Variants in BIRC6 observed in about 807,000 individuals in gnomAD.
BIRC6 encodes dual E2 ubiquitin-conjugating enzyme/E3 ubiquitin-protein ligase BIRC6.
A neutral mutation model predicts 503.3 loss-of-function variants in BIRC6; 98 were observed. The ratio of observed to expected loss-of-function variants is 0.19; its 90% CI spans 0.17 to 0.23. BIRC6 has a LOEUF of 0.23. Ranked by LOEUF, BIRC6 falls within the 10% of genes least tolerant of loss-of-function variation. The probability of loss-of-function intolerance (pLI) is 1.00; values close to 1 mark genes in which losing one functional copy is unlikely to be tolerated. For synonymous variants in BIRC6, 2,240 were observed against 2,078.7 expected, an observed-to-expected ratio of 1.08 and a Z score of -2.11; for missense variants, 5,360 against 5,806.0, an observed-to-expected ratio of 0.92 and a Z score of 2.50.
chr2:32,377,982 G>A (rs1315330370), intron 2 of BIRC6, among the ~76,000 whole-genome samples: 1 of 152,102 alleles, frequency 6.6e-6, no homozygotes, highest in East Asian at 1.9e-4. Flanking sequence ...AGGTGTGAAT[G>A]GTGCATCAGC....
chr2:32,443,863 T>C (rs898566501), intron 20 of BIRC6, among the ~76,000 whole-genome samples: 1 of 152,226 alleles, frequency 6.6e-6, no homozygotes, highest in Non-Finnish European at 1.5e-5. Flanking sequence ...TTGAGTTGTT[T>C]GGTTGTTTAC....
In BIRC6 at chr2:32,529,778, C is replaced by T; in HGVS notation, c.12048C>T (p.Pro4016=). ...TGGGATCAAGAGTTATAACAGACCC[C>T]AGTCTATCAAAAACAGATTCTTATA... ...VKLGSRVITD[P]SLSKTDSYKR... is the part of the protein sequence containing the mutation. Residue 4016 remains proline, a synonymous_variant, in exon 60 of 74, where the codon CCC becomes CCT. Transcript: ENST00000421745. 1 of 1,612,982 alleles carries T rather than the reference C, an allele frequency of 6.2e-7. No homozygotes were observed. The highest frequency in any genetic ancestry group is 1.1e-5 in the South Asian group (1 of 90,932).
At chr2:32,538,116 C>G (rs1473715458) in intron 61 of BIRC6, among the ~76,000 whole-genome samples, 1 of 152,118 alleles carries the variant, frequency 6.6e-6, no homozygotes, top group East Asian at 1.9e-4. Flanking sequence ...GGGTATTCCT[C>G]AGTCTTTGTG....
intron 12 of BIRC6, among the ~76,000 whole-genome samples, chr2:32,432,798 G>A (rs944401291): frequency 2.6e-5 from 4 of 151,802 alleles, no homozygotes; most frequent in African/African-American, 9.7e-5. Context: ...ACGTGAGATG[G>A]GAAAGTGTTA....
Position 32,357,550 on chromosome 2 carries a change from C to T in BIRC6, c.325+64C>T. 7 of 1,505,092 alleles carry T rather than the reference C, an allele frequency of 4.7e-6. No individual in the cohort carries two copies. The highest frequency in any genetic ancestry group is 2.5e-5 in the South Asian group (2 of 80,284). The allele number at this position is 1,505,092 out of a possible 1,614,324, so 93.2% of individuals were successfully genotyped here. On this transcript the variant is annotated intron_variant, in intron 1 of 73. Coordinates refer to ENST00000421745, the MANE Select transcript of BIRC6 (RefSeq NM_016252.4). The surrounding 1 kb of genome is among the most constrained non-coding windows in gnomAD (Gnocchi z 4.9). ...AAAGAAGCCGTCCAGCCCCGGGGCT[C>T]GGCCTCGCGACTCGGGGAAGCGAGA...
intron 65 of BIRC6, among the ~76,000 whole-genome samples, chr2:32,554,094 A>G (rs1420616710): frequency 6.6e-6 from 1 of 152,172 alleles, no homozygotes; most frequent in Non-Finnish European, 1.5e-5. Flanking sequence ...TTCACATGTT[A>G]ATGTTAACAG....
intron 35 of BIRC6, among the ~76,000 whole-genome samples, chr2:32,477,893 T>A (rs1337245822): frequency 6.6e-6 from 1 of 152,198 alleles, no homozygotes; most frequent in Non-Finnish European, 1.5e-5. Context: ...AAAATTCTTT[T>A]CAAATTTTTC....
At chr2:32,374,081 C>T (rs1199182208) in intron 1 of BIRC6, among the ~76,000 whole-genome samples, 1 of 152,060 alleles carries the variant, frequency 6.6e-6, no homozygotes, top group East Asian at 1.9e-4. Flanking sequence ...CTGTTTAAAG[C>T]GTACAGAGTT....
intron 46 of BIRC6, among the ~76,000 whole-genome samples, chr2:32,501,431 T>C (rs2053180635): frequency 6.6e-6 from 1 of 152,242 alleles, no homozygotes; most frequent in African/African-American, 2.4e-5. Context: ...CTACTGAATA[T>C]TGTCATTGAT....
intron 66 of BIRC6, 145 bp downstream of exon 66, chr2:32,575,511 TC>T: frequency 1.4e-6 from 1 of 708,772 alleles, no homozygotes; most frequent in Non-Finnish European, 2.4e-6. Flanking sequence ...ACACCTGTAA[TC>T]CCAGCACTGT....
intron 65 of BIRC6, among the ~76,000 whole-genome samples, chr2:32,568,769 T>C (rs1173018157): frequency 3.3e-5 from 5 of 151,038 alleles, no homozygotes; most frequent in Non-Finnish European, 5.9e-5. Flanking sequence ...GCTTGAACCC[T>C]GGAGACAGAG....
intron 5 of BIRC6, 102 bp from the exon 6 acceptor site, chr2:32,395,409 A>G (rs2039764298): frequency 1.1e-6 from 1 of 899,904 alleles, no homozygotes; most frequent in East Asian, 2.8e-5. Context: ...TTTTCAGTAT[A>G]GAATTTTACT....
chr2:32,545,574 C>T lies in BIRC6; in HGVS notation c.12593-69C>T, dbSNP rs1048170663. The T allele has an allele frequency of 3.1e-6, 4 of 1,282,772 alleles. No individual in the cohort carries two copies. The African/African-American group carries it at 4.4e-5, about 14-fold the overall frequency. The allele number at this position is 1,282,772 out of a possible 1,614,324, so 79.5% of individuals were successfully genotyped here. A position where few individuals can be genotyped will look rare whatever the true frequency, so the allele number is the denominator to read the frequency against. ...TTACAGTGTCATTATTAATTTATGACCCTGTATGTAACTTCTTATGTGTTT... is the reference window on the plus strand; with the variant it reads ...TTACAGTGTCATTATTAATTTATGATCCTGTATGTAACTTCTTATGTGTTT... On this transcript the variant is annotated intron_variant, in intron 62 of 73. Coordinates refer to ENST00000421745, the MANE Select transcript of BIRC6 (RefSeq NM_016252.4).
At position 32,488,861 on chromosome 2, in the gene BIRC6, A is replaced by G. The variant is rs111534472; in HGVS notation, c.8095+147A>G. 2.2e-4 allele frequency: 125 copies of G among 568,348 alleles called. No homozygotes were observed. The African/African-American group carries it at 2.4e-3, about 11-fold the overall frequency. 35.2% of individuals were successfully genotyped at this position (568,348 alleles called of 1,614,324 possible). On this transcript the variant is annotated intron_variant, in intron 42 of 73. Transcript: ENST00000421745. ...GAATACCTTTTTAAAAAGATGCACTAACTTACCGATTAGCAGGAAAGATAC... is the reference window on the plus strand; with the variant it reads ...GAATACCTTTTTAAAAAGATGCACTGACTTACCGATTAGCAGGAAAGATAC...
rs1255617729 is a variant in BIRC6 at position 32,467,670 on chromosome 2, A to C, written c.5502A>C (p.Ala1834=). The change falls in exon 27 of 74, where the codon GCA becomes GCC. Residue 1834 remains alanine, a synonymous_variant. Transcript: ENST00000421745. ...TGGATGGAAGGCGGTTGGTAGTGGC[A>C]ACTGATATAAGCACTCATTCACTAA... ...EEVDGRRLVV[A]TDISTHSLIL... 1 of 1,613,930 alleles carries C rather than the reference A, an allele frequency of 6.2e-7. No individual in the cohort carries two copies. Among genetic ancestry groups the C allele is most frequent in the Admixed American group, 1.7e-5 (1 of 60,020 alleles).
At chr2:32,532,342 G>A (rs866666446) in intron 61 of BIRC6, 41 of 440,072 alleles carry the variant, frequency 9.3e-5, no homozygotes, top group Middle Eastern at 7.6e-4. Context: ...AATTCAGGCT[G>A]TAGGGAAGAC....
rs1225118495 is a variant in BIRC6, at chr2:32,508,279, T to C, written c.9980+20T>C. The C allele has an allele frequency of 7.2e-5, 35 of 485,726 alleles. No homozygotes were observed. The Admixed American group carries it at 9.2e-4, about 13-fold the overall frequency. 30.1% of individuals were successfully genotyped at this position (485,726 alleles called of 1,614,324 possible). On this transcript the variant is annotated intron_variant, in intron 51 of 73. Coordinates refer to ENST00000421745, the MANE Select transcript of BIRC6 (RefSeq NM_016252.4). ...AACAAGGTATGTTTTGTTTGTCCTT[T>C]TTTTTTTTTTTTTTTTTTTTTTTTG...
intron 5 of BIRC6, among the ~76,000 whole-genome samples, chr2:32,393,580 C>T (rs2039511537): frequency 6.6e-6 from 1 of 152,176 alleles, no homozygotes; most frequent in Admixed American, 6.5e-5. Context: ...GGCATGATCA[C>T]AGCTCACTGT....
Position 32,441,476 on chromosome 2 carries a change from A to G in BIRC6, c.3944+14A>G. 6.2e-7 allele frequency: 1 copy of G among 1,600,320 alleles called. No individual in the cohort carries two copies. Among genetic ancestry groups the G allele is most frequent in the Non-Finnish European group, 8.5e-7 (1 of 1,170,000 alleles). On this transcript the variant is annotated intron_variant, in intron 17 of 73. Coordinates refer to ENST00000421745, the MANE Select transcript of BIRC6 (RefSeq NM_016252.4). ...TTCTAAGGAAAGGTAATTTCATTGCATTATCTTGTTATTCTTACAGTAATG... is the reference window on the plus strand; with the variant it reads ...TTCTAAGGAAAGGTAATTTCATTGCGTTATCTTGTTATTCTTACAGTAATG...
Sources: gnomAD v4.1 joint callset for allele counts (sites outside exome capture counted in the v4.1 genomes callset) on GRCh38, gnomAD v4.1.1 for gene constraint, Gnocchi (gnomAD v3.1) non-coding constraint, MANE v1.5 for transcripts, NCBI Gene and HGNC (gene_info 2026-07-23, HGNC 2026-07-21) for gene names.